The following ACLY variants were observed in gnomAD, a reference collection of about 807,000 sequenced individuals.
ACLY encodes the protein ATP-citrate synthase.
A neutral mutation model predicts 133.0 loss-of-function variants in ACLY; 41 were observed. That is an observed-to-expected ratio of 0.31 (90% confidence interval 0.24 to 0.40). The LOEUF (loss-of-function observed/expected upper bound fraction) is 0.40. Among genes scored for constraint, ACLY ranks in the 10% least tolerant of loss-of-function variants. The probability of loss-of-function intolerance (pLI) is 1.00; values close to 1 mark genes in which losing one functional copy is unlikely to be tolerated. For synonymous variants in ACLY, 495 were observed against 549.3 expected (o/e 0.90, Z 1.38); for missense variants, 1,046 against 1,453.8 (o/e 0.72, Z 4.56).
chr17:41,916,518 T>C (rs970871052), intron 1 of ACLY, among the ~76,000 whole-genome samples: 13 of 146,446 alleles, frequency 8.9e-5, no homozygotes, highest in Non-Finnish European at 1.5e-4. Context: ...GGATTACAGA[T>C]GCACGCCACC....
chr17:41,918,894 G>T lies in ACLY; in HGVS notation c.-38C>A, dbSNP rs997282245. On this transcript the variant is annotated 5_prime_UTR_variant, in exon 1 of 29. Transcript: ENST00000352035. ...CCCGTGCTCACCTCTGCCGAAGTCC[G>T]TGCGCGGCGCTTCTTCCACAGGCCC... The T allele has an allele frequency of 3.1e-6, 4 of 1,288,158 alleles. No homozygotes were observed. The African/African-American group carries it at 6.1e-5, about 20-fold the overall frequency. The allele number at this position is 1,288,158 out of a possible 1,614,324, so 79.8% of individuals were successfully genotyped here.
intron 28 of ACLY, 111 bp from the exon 29 acceptor site, chr17:41,868,015 G>T: frequency 1.4e-6 from 1 of 704,432 alleles, no homozygotes; most frequent in Non-Finnish European, 2.3e-6. Flanking sequence ...ACACAAAGCA[G>T]TGGGAAGTTT....
At chr17:41,901,856 CA>C (rs1555631690) in intron 10 of ACLY, 43 bp from the exon 11 acceptor site, 1 of 1,425,420 alleles carries the variant, frequency 7.0e-7, no homozygotes, top group Non-Finnish European at 9.6e-7. Context: ...AAGGCAGCCA[CA>C]AGTCAATGAT....
At chr17:41,919,509 C>A (rs1169360443), upstream of ACLY, among the ~76,000 whole-genome samples, 1 of 152,220 alleles carries the variant, frequency 6.6e-6, no homozygotes, top group African/African-American at 2.4e-5. Flanking sequence ...GGACTCTCCC[C>A]ACTGGGCCGA....
chr17:41,901,431 G>A (rs985382299), intron 11 of ACLY, among the ~76,000 whole-genome samples: 3 of 151,992 alleles, frequency 2.0e-5, no homozygotes, highest in Non-Finnish European at 4.4e-5. Context: ...TGTAACCCTC[G>A]TCACCAGCAC....
At position 41,875,555 on chromosome 17, in the gene ACLY, C is replaced by T. The variant is rs1462408120; in HGVS notation, c.2488-1590G>A. On this transcript the variant is annotated intron_variant, in intron 22 of 28. Coordinates refer to ENST00000352035, the MANE Select transcript of ACLY (RefSeq NM_001096.3). Reference sequence around the variant, plus strand: ...GCAACCTCCCTGCCTGATTCTCCTGCCTCAGCCTGCCGAGTGCCTGCGATT... The same window carrying T: ...GCAACCTCCCTGCCTGATTCTCCTGTCTCAGCCTGCCGAGTGCCTGCGATT... Among the ~76,000 whole-genome samples, 3 of 152,150 alleles carry T rather than the reference C, an allele frequency of 2.0e-5. No individual in the cohort carries two copies. In the East Asian group the frequency reaches 5.8e-4, roughly 29 times the overall value.
intron 8 of ACLY, 108 bp from the exon 9 acceptor site, chr17:41,905,766 T>C: frequency 1.4e-6 from 2 of 1,384,212 alleles, no homozygotes; most frequent in African/African-American, 2.8e-5. Flanking sequence ...AGTTAGCCTG[T>C]GGAACCGGCC....
intron 3 of ACLY, 28 bp from the exon 4 acceptor site, chr17:41,910,312 T>A (rs2049862475): frequency 8.8e-6 from 14 of 1,594,852 alleles, no homozygotes; most frequent in Non-Finnish European, 1.1e-5. Flanking sequence ...GAGATGAAAC[T>A]CAGAGGGACA....
chr17:41,907,657 C>A (rs922584731), intron 6 of ACLY, 85 bp from the exon 7 acceptor site: 1 of 1,468,808 alleles, frequency 6.8e-7, no homozygotes, highest in Non-Finnish European at 9.4e-7. Flanking sequence ...AAACACCGAT[C>A]CCATGGTGGC....
intron 1 of ACLY, among the ~76,000 whole-genome samples, chr17:41,924,913 G>A (rs2050224191): frequency 6.6e-6 from 1 of 152,094 alleles, no homozygotes; most frequent in Non-Finnish European, 1.5e-5. Flanking sequence ...CACCAGGTAT[G>A]TTCCTATAAA....
chr17:41,916,469 G>C (rs1461905370), intron 1 of ACLY, among the ~76,000 whole-genome samples: 3 of 151,854 alleles, frequency 2.0e-5, no homozygotes, highest in Non-Finnish European at 4.4e-5. Flanking sequence ...AGCCTCCCAG[G>C]TTCAAGTGAT....
intron 23 of ACLY, 147 bp from the exon 24 acceptor site, chr17:41,872,329 C>T: frequency 1.4e-6 from 1 of 739,844 alleles, no homozygotes; most frequent in Non-Finnish European, 2.2e-6. Flanking sequence ...GGCAAAACCT[C>T]CTGATTCTTT....
chr17:41,894,032 G>A (rs782522558), intron 14 of ACLY, among the ~76,000 whole-genome samples: 24 of 152,088 alleles, frequency 1.6e-4, no homozygotes, highest in Non-Finnish European at 2.1e-4. Flanking sequence ...TGGCCAACGC[G>A]GTGAAACGCT....
chr17:41,919,106 C>T (rs1280736018), upstream of ACLY: 1 of 1,180,136 alleles, frequency 8.5e-7, no homozygotes, highest in African/African-American at 1.7e-5. Flanking sequence ...GGCTTGGCTC[C>T]GCCCCACGAG....
chr17:41,906,505 C>A, intron 8 of ACLY, 23 bp downstream of exon 8: 1 of 1,607,106 alleles, frequency 6.2e-7, no homozygotes, highest in Non-Finnish European at 8.5e-7. Flanking sequence ...GCTGGCATCC[C>A]TTCAGCAACC....
At chr17:41,897,719 T>C (rs2049411777) in intron 13 of ACLY, 30 bp downstream of exon 13, 12 of 1,603,484 alleles carry the variant, frequency 7.5e-6, no homozygotes, top group Non-Finnish European at 1.0e-5. Context: ...GGCCACTCCC[T>C]GCAACATGCC....
intron 26 of ACLY, 115 bp from the exon 27 acceptor site, chr17:41,869,240 C>A: frequency 9.8e-7 from 1 of 1,020,050 alleles, no homozygotes. Context: ...AACCTTCTAC[C>A]AGCCCCACTG....
intron 28 of ACLY, 24 bp downstream of exon 28, chr17:41,868,685 T>G: frequency 1.2e-6 from 2 of 1,607,108 alleles, no homozygotes; most frequent in African/African-American, 1.3e-5. Context: ...AAAAAACACT[T>G]AAAACAACAA....
rs1053356850 is a variant in ACLY, at chr17:41,867,499, A to G, written c.*311T>C. The G allele has an allele frequency of 8.2e-5, 16 of 194,622 alleles. No homozygotes were observed. The South Asian group carries it at 2.5e-3, about 30-fold the overall frequency. 12.1% of individuals were successfully genotyped at this position (194,622 alleles called of 1,614,324 possible). A position where few individuals can be genotyped will look rare whatever the true frequency, so the allele number is the denominator to read the frequency against. ...AAAGAAAGCAACATCCTAACGCCCTACAATGAGGAAGACCCCATCCTGACA... is the reference window on the plus strand; with the variant it reads ...AAAGAAAGCAACATCCTAACGCCCTGCAATGAGGAAGACCCCATCCTGACA... On this transcript the variant is annotated 3_prime_UTR_variant, in exon 29 of 29. Coordinates refer to ENST00000352035, the MANE Select transcript of ACLY (RefSeq NM_001096.3).
Sources: gnomAD v4.1 joint callset for allele counts (sites outside exome capture counted in the v4.1 genomes callset) on GRCh38, gnomAD v4.1.1 for gene constraint, MANE v1.5 for transcripts, NCBI Gene and HGNC (gene_info 2026-07-23, HGNC 2026-07-21) for gene names.